Variants in AGBL4 observed in about 807,000 individuals in gnomAD.
The protein encoded by AGBL4 is AGBL carboxypeptidase 4.
AGBL4 carries 58 observed loss-of-function variants against 66.4 expected under a neutral mutation model. The observed-to-expected ratio is 0.87, with a 90% CI of 0.71 to 1.09. AGBL4 has a LOEUF of 1.09. Among genes scored for constraint, AGBL4 ranks in the 50% least tolerant of loss-of-function variants. AGBL4 has a pLI of 0.00. For missense variants in AGBL4, 579 were observed against 631.0 expected, an observed-to-expected ratio of 0.92 and a Z score of 0.88; for synonymous variants, 234 against 222.9, an observed-to-expected ratio of 1.05 and a Z score of -0.44.
intron 2 of AGBL4, among the ~76,000 whole-genome samples, chr1:49,781,819 C>G (rs1288192020): frequency 1.3e-5 from 2 of 151,894 alleles, no homozygotes; most frequent in Non-Finnish European, 2.9e-5. Context: ...AACTAAATTA[C>G]AAGTTAACAC....
At chr1:48,645,664 G>A in intron 8 of AGBL4, among the ~76,000 whole-genome samples, 1 of 152,128 alleles carries the variant, frequency 6.6e-6, no homozygotes, top group Non-Finnish European at 1.5e-5. Flanking sequence ...TCTGTAAAAT[G>A]AGCATAATGA....
intron 3 of AGBL4, among the ~76,000 whole-genome samples, chr1:49,273,801 G>C (rs574647401): frequency 1.3e-5 from 2 of 152,040 alleles, no homozygotes; most frequent in South Asian, 4.2e-4. Context: ...TCAGCCTCCT[G>C]AGTAGCTGGG....
intron 3 of AGBL4, among the ~76,000 whole-genome samples, chr1:49,433,527 C>T (rs929798827): frequency 1.3e-5 from 2 of 152,064 alleles, no homozygotes; most frequent in African/African-American, 4.8e-5. Flanking sequence ...TAGTTTTTTC[C>T]TATGTTTCTC....
chr1:49,863,959 T>C (rs551933072), intron 1 of AGBL4, among the ~76,000 whole-genome samples: 2 of 152,180 alleles, frequency 1.3e-5, no homozygotes, highest in South Asian at 4.1e-4. Context: ...AATCAGTATA[T>C]CAAAGAGATA....
At chr1:48,677,802 C>A (rs943770967) in intron 6 of AGBL4, among the ~76,000 whole-genome samples, 1 of 152,220 alleles carries the variant, frequency 6.6e-6, no homozygotes, top group Non-Finnish European at 1.5e-5. Context: ...ACACAGGGAC[C>A]ACAGTCAGGG....
chr1:49,857,783 C>T (rs1191209144), intron 1 of AGBL4, among the ~76,000 whole-genome samples: 1 of 151,752 alleles, frequency 6.6e-6, no homozygotes, highest in Non-Finnish European at 1.5e-5. Flanking sequence ...TTAGAAGAAA[C>T]ACTTCAGTAG....
chr1:49,547,106 A>G (rs1310623821), intron 3 of AGBL4, among the ~76,000 whole-genome samples: 2 of 152,116 alleles, frequency 1.3e-5, no homozygotes, highest in African/African-American at 4.8e-5. Flanking sequence ...AGTTTTTCCA[A>G]TGTTATCCTC....
At chr1:49,950,976 C>A (rs894946998) in intron 1 of AGBL4, among the ~76,000 whole-genome samples, 4 of 151,584 alleles carry the variant, frequency 2.6e-5, no homozygotes, top group African/African-American at 9.7e-5. Flanking sequence ...ATGGAATAAG[C>A]CAGACATAGA....
At chr1:49,628,463 A>G (rs893538950) in intron 3 of AGBL4, among the ~76,000 whole-genome samples, 2 of 152,174 alleles carry the variant, frequency 1.3e-5, no homozygotes, top group Admixed American at 1.3e-4. Context: ...TCTTTGTAAT[A>G]AAAAAGATGC....
Position 48,588,614 on chromosome 1 carries a change from C to T in AGBL4, c.1105-1448G>A, listed in dbSNP as rs143124370. Among the ~76,000 whole-genome samples the T allele has an allele frequency of 4.3e-3, 639 of 150,274 alleles. 1 individual carries two copies. The highest frequency in any genetic ancestry group is 8.9e-3 in the South Asian group (42 of 4,722). On this transcript the variant is annotated intron_variant, in intron 10 of 13. Transcript: ENST00000371839. ...GAAGGAAAAGAGATAAAGTAAACAC[C>T]AATACAAGAAAGGCACAGAAAGACT...
chr1:49,843,271 T>A (rs1421864168), intron 2 of AGBL4, among the ~76,000 whole-genome samples: 1 of 151,204 alleles, frequency 6.6e-6, no homozygotes, highest in Non-Finnish European at 1.5e-5. Flanking sequence ...GGACTGCAGG[T>A]GTGTGTCACC....
intron 9 of AGBL4, among the ~76,000 whole-genome samples, chr1:48,615,396 C>A (rs1645302247): frequency 6.6e-6 from 1 of 152,082 alleles, no homozygotes; most frequent in South Asian, 2.1e-4. Flanking sequence ...TAGCCTCCTC[C>A]CCATAGGAGA....
At chr1:49,747,983 CAA>C in intron 2 of AGBL4, among the ~76,000 whole-genome samples, 1 of 150,002 alleles carries the variant, frequency 6.7e-6, no homozygotes, top group South Asian at 2.1e-4. Flanking sequence ...TGCATGCAGA[CAA>C]AGAAAGATTT....
intron 9 of AGBL4, among the ~76,000 whole-genome samples, chr1:48,603,482 TTA>T (rs1223175664): frequency 2.0e-5 from 3 of 151,348 alleles, no homozygotes; most frequent in African/African-American, 7.3e-5. Flanking sequence ...ATAAAATAAA[TTA>T]AAGTGTTTAG....
In AGBL4 at chr1:49,357,729, G is replaced by A. The variant is rs144777374; in HGVS notation, c.283-111865C>T. On this transcript the variant is annotated intron_variant, in intron 3 of 13. Transcript: ENST00000371839. ...GACCACTCCAAGCCTCAGTCTATTC[G>A]TCTGTAAACAGGAAATAACTTCTTT... Among the ~76,000 whole-genome samples, 139 of 152,230 alleles carry A rather than the reference G, an allele frequency of 9.1e-4. No homozygotes were observed. In the East Asian group the frequency reaches 0.011, roughly 12 times the overall value.
chr1:49,261,291 G>A (rs1295304638), intron 3 of AGBL4, among the ~76,000 whole-genome samples: 2 of 152,026 alleles, frequency 1.3e-5, no homozygotes, highest in African/African-American at 2.4e-5. Flanking sequence ...TCAACATAGT[G>A]TTGGAAGTTC....
chr1:50,014,539 T>A (rs1393768594), intron 1 of AGBL4, among the ~76,000 whole-genome samples: 1 of 141,476 alleles, frequency 7.1e-6, no homozygotes, highest in African/African-American at 2.7e-5. Flanking sequence ...AGGATTTCTT[T>A]TTTTTTTTTT....
At chr1:48,840,500 A>G (rs1243729205) in intron 6 of AGBL4, among the ~76,000 whole-genome samples, 2 of 152,208 alleles carry the variant, frequency 1.3e-5, no homozygotes, top group African/African-American at 4.8e-5. Flanking sequence ...GAATTTATGT[A>G]TTATTATACA....
intron 6 of AGBL4, among the ~76,000 whole-genome samples, chr1:48,691,052 C>T (rs989715060): frequency 6.6e-5 from 10 of 150,884 alleles, no homozygotes; most frequent in Non-Finnish European, 1.5e-4. Flanking sequence ...GTAATCTCAG[C>T]TACTCCAGAG....
Sources: allele counts gnomAD v4.1 joint callset (sites outside exome capture counted in the v4.1 genomes callset), GRCh38; gene constraint gnomAD v4.1.1; transcripts MANE v1.5; gene names NCBI Gene and HGNC (gene_info 2026-07-23, HGNC 2026-07-21).